CHAF1B: variants seen among roughly 807,000 people sequenced by gnomAD.
CHAF1B encodes chromatin assembly factor 1 subunit B.
CHAF1B carries 10 observed loss-of-function variants against 60.7 expected under a neutral mutation model. The observed-to-expected ratio is 0.16, with a 90% CI of 0.10 to 0.28. The LOEUF is 0.28. Among genes scored for constraint, CHAF1B ranks in the 10% least tolerant of loss-of-function variants. The pLI is 1.00. For missense variants in CHAF1B, 558 were observed against 708.4 expected, an observed-to-expected ratio of 0.79 and a Z score of 2.41; for synonymous variants, 261 against 266.1, an observed-to-expected ratio of 0.98 and a Z score of 0.19.
chr21:36,413,228 T>C lies in CHAF1B; in HGVS notation c.1406T>C (p.Leu469Pro). 1.2e-6 allele frequency: 2 copies of C among 1,614,098 alleles called. No homozygotes were observed. The highest frequency in any genetic ancestry group is 2.2e-5 in the East Asian group (1 of 44,860). Residue 469 changes from leucine (L) to proline (P), a missense_variant, in exon 12 of 14, where the codon CTG becomes CCG. This residue lies in a region of CHAF1B where 233 missense variants were observed against 214.9 expected (regional missense o/e 1.08). Coordinates refer to ENST00000314103, the MANE Select transcript of CHAF1B (RefSeq NM_005441.3). ...CCGGGGCCTTCGGAGGAGAAGACCC[T>C]GCAGCCCAGTAGTCAAAACACAAAA... The part of the protein sequence containing the change: ...PLPGPSEEKT[L>P]QPSSQNTKAH...
chr21:36,408,873 A>G (rs755331586), intron 9 of CHAF1B, 43 bp downstream of exon 9: 1 of 1,439,836 alleles, frequency 6.9e-7, no homozygotes, highest in South Asian at 1.1e-5. Flanking sequence ...CATTTTTTTT[A>G]GACGGAGTTT....
intron 7 of CHAF1B, among the ~76,000 whole-genome samples, chr21:36,400,215 C>T (rs1323930819): frequency 1.3e-5 from 2 of 151,952 alleles, no homozygotes; most frequent in South Asian, 2.1e-4. Context: ...CATGATGGCT[C>T]ATGCCTGTAA....
Position 36,418,920 on chromosome 21 carries a change from G to A in CHAF1B, c.*2554G>A, listed in dbSNP as rs1243075944. On this transcript the variant is annotated 3_prime_UTR_variant, in exon 14 of 14. Transcript: ENST00000314103. ...AATCTGTTTCTTGTGCATTGATTGT[G>A]GGAGTTGGGGTGGGGGACCCCTGAT... 1 of 152,036 alleles carries A rather than the reference G, an allele frequency of 6.6e-6. No individual in the cohort carries two copies. The highest frequency in any genetic ancestry group is 2.4e-5 in the African/African-American group (1 of 41,380). 9.4% of individuals were successfully genotyped at this position (152,036 alleles called of 1,614,324 possible). A position where few individuals can be genotyped will look rare whatever the true frequency, so the allele number is the denominator to read the frequency against.
rs1488158924 is a variant in CHAF1B, at chr21:36,416,538, T to C, written c.*172T>C. The C allele has an allele frequency of 2.0e-6, 1 of 503,438 alleles. No individual in the cohort carries two copies. The highest frequency in any genetic ancestry group is 1.9e-5 in the African/African-American group (1 of 52,852). The allele number at this position is 503,438 out of a possible 1,614,324, so 31.2% of individuals were successfully genotyped here. ...TTTTCTCCAGAAATATGGATGCTGT[T>C]GTATTCAGTATCCATTTTTAACTTG... On this transcript the variant is annotated 3_prime_UTR_variant, in exon 14 of 14. Coordinates refer to ENST00000314103, the MANE Select transcript of CHAF1B (RefSeq NM_005441.3).
intron 8 of CHAF1B, among the ~76,000 whole-genome samples, chr21:36,403,455 TAA>T (rs71326686): frequency 0.032 from 2,500 of 77,376 alleles, 69 homozygotes; most frequent in African/African-American, 0.1. Flanking sequence ...ATATCTTATC[TAA>T]AAAAAAAAAA....
chr21:36,393,332 A>G (rs2086108184), intron 4 of CHAF1B, among the ~76,000 whole-genome samples: 1 of 152,138 alleles, frequency 6.6e-6, no homozygotes, highest in Non-Finnish European at 1.5e-5. Flanking sequence ...TTTATATGAA[A>G]CAGTCCTAAG....
Position 36,400,824 on chromosome 21 carries a change from C to A in CHAF1B, c.663+1219C>A, listed in dbSNP as rs79723935. 6.6e-3 allele frequency among the ~76,000 whole-genome samples: 998 copies of A among 152,266 alleles called. 10 individuals are homozygous for A. Among genetic ancestry groups the A allele is most frequent in the African/African-American group, 0.023 (960 of 41,550 alleles). On this transcript the variant is annotated intron_variant, in intron 7 of 13. Coordinates refer to ENST00000314103, the MANE Select transcript of CHAF1B (RefSeq NM_005441.3). ...AATAGGACCCTTTTTGTAAAGGAATCAAGGCTACCGAGGCAGGCAGCGAGG... is the reference window on the plus strand; with the variant it reads ...AATAGGACCCTTTTTGTAAAGGAATAAAGGCTACCGAGGCAGGCAGCGAGG...
At chr21:36,401,889 T>C (rs2146368883) in intron 7 of CHAF1B, among the ~76,000 whole-genome samples, 1 of 151,706 alleles carries the variant, frequency 6.6e-6, no homozygotes, top group East Asian at 1.9e-4. Flanking sequence ...TACAGGCGTG[T>C]GCCACCACAC....
At chr21:36,388,396 A>G (rs1188292802) in intron 3 of CHAF1B, among the ~76,000 whole-genome samples, 1 of 151,200 alleles carries the variant, frequency 6.6e-6, no homozygotes, top group African/African-American at 2.4e-5. Flanking sequence ...TGGTGATCAG[A>G]GTCAGTTCTG....
At chr21:36,409,279 G>T (rs1025350897) in intron 9 of CHAF1B, 95 bp from the exon 10 acceptor site, 3 of 870,752 alleles carry the variant, frequency 3.4e-6, no homozygotes, top group South Asian at 1.5e-5. Flanking sequence ...GGGTTTATAG[G>T]TGTGAGCCAC....
chr21:36,395,535 G>A (rs1045813439), intron 5 of CHAF1B, among the ~76,000 whole-genome samples: 5 of 152,228 alleles, frequency 3.3e-5, no homozygotes, highest in African/African-American at 9.6e-5. Context: ...CAGCAGATAA[G>A]ATGACAGGCC....
intron 7 of CHAF1B, 80 bp from the exon 8 acceptor site, chr21:36,402,678 A>C: frequency 8.4e-7 from 1 of 1,196,836 alleles, no homozygotes; most frequent in Non-Finnish European, 1.2e-6. Flanking sequence ...TTGTGAGTGT[A>C]AAGATTTGGA....
Position 36,386,077 on chromosome 21 carries a change from C to A in CHAF1B, c.-60C>A. On this transcript the variant is annotated 5_prime_UTR_variant, in exon 2 of 14. It adds an upstream start codon to the 5' untranslated region. Transcript: ENST00000314103. ...ATCACCAGCATTTTGCAGCTTTCTC[C>A]TGTCTTGAAGAAGTAGAACGGTGCC... 6.2e-7 allele frequency: 1 copy of A among 1,602,728 alleles called. No homozygotes were observed. The highest frequency in any genetic ancestry group is 8.5e-7 in the Non-Finnish European group (1 of 1,172,706).
chr21:36,413,063 G>T lies in CHAF1B; in HGVS notation c.1241G>T (p.Arg414Ile). 6.2e-7 allele frequency: 1 copy of T among 1,614,178 alleles called. No homozygotes were observed. Residue 414 changes from arginine (R) to isoleucine (I), a missense_variant, in exon 12 of 14, where the codon AGA becomes ATA. Physicochemically the swap from Arg to Ile is moderately conservative, Grantham distance 97. Transcript: ENST00000314103. ...CATCGAGGGTCTTCGCCAGGACCCA[G>T]ACCGGTAGAGGGAACCCCTGCCAGC... ...QTHRGSSPGP[R>I]PVEGTPASRT...
intron 4 of CHAF1B, among the ~76,000 whole-genome samples, chr21:36,393,446 CTTTT>C (rs748789062): frequency 1.7e-5 from 2 of 115,136 alleles, no homozygotes; most frequent in African/African-American, 3.4e-5. Flanking sequence ...TACAGCTATC[CTTTT>C]TTTTTTTTTT....
At chr21:36,414,241 A>T (rs2146378250) in intron 12 of CHAF1B, among the ~76,000 whole-genome samples, 1 of 152,166 alleles carries the variant, frequency 6.6e-6, no homozygotes, top group East Asian at 1.9e-4. Flanking sequence ...CCTTCCCATA[A>T]ACTGAGTCAC....
At chr21:36,414,877 T>C (rs938185017) in intron 12 of CHAF1B, among the ~76,000 whole-genome samples, 5 of 152,178 alleles carry the variant, frequency 3.3e-5, no homozygotes, top group Non-Finnish European at 5.9e-5. Context: ...CCCGCCAAAG[T>C]GCTGGGATTA....
chr21:36,414,514 C>A (rs1471421010), intron 12 of CHAF1B, among the ~76,000 whole-genome samples: 3 of 151,926 alleles, frequency 2.0e-5, no homozygotes, highest in Non-Finnish European at 4.4e-5. Flanking sequence ...ATTATTTTTC[C>A]CCTCTTGATT....
At chr21:36,387,477 T>C in intron 2 of CHAF1B, 121 bp from the exon 3 acceptor site, 1 of 1,283,072 alleles carries the variant, frequency 7.8e-7, no homozygotes, top group Non-Finnish European at 1.1e-6. Flanking sequence ...CACCTTGGCC[T>C]CCTAAACTGC....
Sources: allele counts gnomAD v4.1 joint callset (sites outside exome capture counted in the v4.1 genomes callset), GRCh38; gene constraint gnomAD v4.1.1; regional missense constraint gnomAD v4.1.1; transcripts MANE v1.5; gene names NCBI Gene and HGNC (gene_info 2026-07-23, HGNC 2026-07-21).